The following CCNT1 variants were observed in gnomAD, a reference collection of about 807,000 sequenced individuals.
CCNT1 encodes cyclin-T1.
CCNT1 carries 18 observed loss-of-function variants against 67.3 expected under a neutral mutation model. The observed-to-expected ratio is 0.27, with a 90% CI of 0.18 to 0.40. CCNT1 has a LOEUF of 0.40. Among genes scored for constraint, CCNT1 ranks in the 10% least tolerant of loss-of-function variants. The pLI is 1.00. For synonymous variants in CCNT1, 333 were observed against 310.3 expected, an observed-to-expected ratio of 1.07 and a Z score of -0.77; for missense variants, 744 against 884.9, an observed-to-expected ratio of 0.84 and a Z score of 2.02.
chr12:48,692,990 T>G lies in CCNT1; in HGVS notation c.*43A>C. On this transcript the variant is annotated 3_prime_UTR_variant, in exon 9 of 9. Transcript: ENST00000261900. ...CCAAAAAAAAAAAAGAAAAATTATG[T>G]GTTTTTTTAAAGAAGTTTTTTTCTC... 1.6e-6 allele frequency: 2 copies of G among 1,248,378 alleles called. No individual in the cohort carries two copies. The highest frequency in any genetic ancestry group is 1.5e-5 in the South Asian group (1 of 64,628). The allele number at this position is 1,248,378 out of a possible 1,614,324, so 77.3% of individuals were successfully genotyped here.
In CCNT1 at chr12:48,690,131, C is replaced by T. The variant is rs1940050097; in HGVS notation, c.*2902G>A. On this transcript the variant is annotated 3_prime_UTR_variant, in exon 9 of 9. Coordinates refer to ENST00000261900, the MANE Select transcript of CCNT1 (RefSeq NM_001240.4). ...AAGACCGATTTGGATCGATGCTTCACTACAGTTCAGCTAACAGCAACACAG... is the reference window on the plus strand; with the variant it reads ...AAGACCGATTTGGATCGATGCTTCATTACAGTTCAGCTAACAGCAACACAG... 1 of 151,988 alleles carries T rather than the reference C, an allele frequency of 6.6e-6. No individual in the cohort carries two copies. The highest frequency in any genetic ancestry group is 2.1e-4 in the South Asian group (1 of 4,830). 9.4% of individuals were successfully genotyped at this position (151,988 alleles called of 1,614,324 possible). A position where few individuals can be genotyped will look rare whatever the true frequency, so the allele number is the denominator to read the frequency against.
intron 3 of CCNT1, among the ~76,000 whole-genome samples, chr12:48,705,307 T>A (rs1049100891): frequency 6.7e-6 from 1 of 150,058 alleles, no homozygotes; most frequent in Non-Finnish European, 1.5e-5. Flanking sequence ...TTGTTGTTTT[T>A]CTTTTTTTGT....
Position 48,690,574 on chromosome 12 carries a change from G to A in CCNT1, c.*2459C>T, listed in dbSNP as rs1157746414. 1 of 152,194 alleles carries A rather than the reference G, an allele frequency of 6.6e-6. No homozygotes were observed. The highest frequency in any genetic ancestry group is 1.5e-5 in the Non-Finnish European group (1 of 68,050). 9.4% of individuals were successfully genotyped at this position (152,194 alleles called of 1,614,324 possible). A position where few individuals can be genotyped will look rare whatever the true frequency, so the allele number is the denominator to read the frequency against. On this transcript the variant is annotated 3_prime_UTR_variant, in exon 9 of 9. Coordinates refer to ENST00000261900, the MANE Select transcript of CCNT1 (RefSeq NM_001240.4). ...AAAACAGACACTGTACGTATCTTAA[G>A]ACAGTACCAGGAGGCATTAACACAG...
intron 3 of CCNT1, 144 bp from the exon 4 acceptor site, chr12:48,701,217 CTT>C (rs539754445): frequency 0.021 from 1,947 of 92,754 alleles, 29 homozygotes; most frequent in African/African-American, 0.047. Context: ...GAAATACAAT[CTT>C]TTTTTTTTTT....
At chr12:48,707,077 C>T (rs905557696) in intron 2 of CCNT1, among the ~76,000 whole-genome samples, 1 of 152,074 alleles carries the variant, frequency 6.6e-6, no homozygotes, top group Admixed American at 6.6e-5. Flanking sequence ...TAAGTAAACA[C>T]AGTGATTCTT....
chr12:48,700,981 T>TA (rs1294158906), intron 4 of CCNT1, 32 bp downstream of exon 4: 5 of 1,304,808 alleles, frequency 3.8e-6, no homozygotes, highest in African/African-American at 1.5e-5. Flanking sequence ...TTGCATAATT[T>TA]AAAAAAATGT....
intron 2 of CCNT1, among the ~76,000 whole-genome samples, chr12:48,711,337 G>A (rs539655875): frequency 4.0e-5 from 6 of 151,782 alleles, no homozygotes; most frequent in South Asian, 2.1e-4. Flanking sequence ...CTCAGATGGC[G>A]CCATTGCACT....
At chr12:48,696,363 A>G (rs1247410110) in intron 6 of CCNT1, among the ~76,000 whole-genome samples, 1 of 151,760 alleles carries the variant, frequency 6.6e-6, no homozygotes, top group Non-Finnish European at 1.5e-5. Context: ...CTGTTCAGGT[A>G]ACAACATTTT....
rs779599635 is a variant in CCNT1, at chr12:48,699,803, T to G, written c.471A>C (p.Val157=). The part of the protein sequence containing the change: ...ELTIDHPHTH[V]VKCTQLVRAS... Reference sequence around the variant, plus strand: ...CTCGAACAAGTTGAGTGCACTTTACTACATGAGTATGTGGGTGATCAATTG... The same window carrying G: ...CTCGAACAAGTTGAGTGCACTTTACGACATGAGTATGTGGGTGATCAATTG... Residue 157 remains valine (V), a synonymous_variant, in exon 5 of 9, where the codon GTA becomes GTC. Coordinates refer to ENST00000261900, the MANE Select transcript of CCNT1 (RefSeq NM_001240.4). 3 of 1,609,796 alleles carry G rather than the reference T, an allele frequency of 1.9e-6. No homozygotes were observed. In the African/African-American group the frequency reaches 4.0e-5, roughly 22 times the overall value.
chr12:48,716,294 G>C (rs1940531199), intron 1 of CCNT1, among the ~76,000 whole-genome samples: 1 of 152,260 alleles, frequency 6.6e-6, no homozygotes, highest in African/African-American at 2.4e-5. Flanking sequence ...CGAATTCCCA[G>C]CAAGGCTGGC....
In CCNT1 at chr12:48,688,743, A is replaced by G. The variant is rs1940025730; in HGVS notation, c.*4290T>C. Reference sequence around the variant, plus strand: ...CTGAGAAAGGACTCTTAAGAGCAATACAAAGAGAACAGACAAAAATCTCAC... The same window carrying G: ...CTGAGAAAGGACTCTTAAGAGCAATGCAAAGAGAACAGACAAAAATCTCAC... On this transcript the variant is annotated 3_prime_UTR_variant, in exon 9 of 9. Coordinates refer to ENST00000261900, the MANE Select transcript of CCNT1 (RefSeq NM_001240.4). 1 of 152,184 alleles carries G rather than the reference A, an allele frequency of 6.6e-6. No individual in the cohort carries two copies. Among genetic ancestry groups the G allele is most frequent in the African/African-American group, 2.4e-5 (1 of 41,434 alleles). The allele number at this position is 152,184 out of a possible 1,614,324, so 9.4% of individuals were successfully genotyped here.
rs759182549 is a variant in CCNT1 at position 48,693,003 on chromosome 12, A to C, written c.*30T>G. ...AGAAAAATTATGTGTTTTTTTAAAGAAGTTTTTTTCTCCTCTTCTTTTTCT... is the reference window on the plus strand; with the variant it reads ...AGAAAAATTATGTGTTTTTTTAAAGCAGTTTTTTTCTCCTCTTCTTTTTCT... On this transcript the variant is annotated 3_prime_UTR_variant, in exon 9 of 9. Transcript: ENST00000261900. The C allele has an allele frequency of 3.6e-6, 5 of 1,375,060 alleles. No homozygotes were observed. Among genetic ancestry groups the C allele is most frequent in the Non-Finnish European group, 4.9e-6 (5 of 1,015,628 alleles). The allele number at this position is 1,375,060 out of a possible 1,614,324, so 85.2% of individuals were successfully genotyped here.
At chr12:48,713,046 T>C (rs1479390558) in intron 2 of CCNT1, among the ~76,000 whole-genome samples, 2 of 152,196 alleles carry the variant, frequency 1.3e-5, no homozygotes, top group Non-Finnish European at 2.9e-5. Context: ...GATATCACTA[T>C]GCATTCAATT....
At chr12:48,712,595 T>TAA (rs759919820) in intron 2 of CCNT1, among the ~76,000 whole-genome samples, 7 of 33,362 alleles carry the variant, frequency 2.1e-4, no homozygotes, top group Admixed American at 5.0e-4. Context: ...AAAAAAAAAA[T>TAA]AAAAAAAAAA....
At chr12:48,696,307 T>C (rs1363045725) in intron 6 of CCNT1, 145 bp from the exon 7 acceptor site, 1 of 529,070 alleles carries the variant, frequency 1.9e-6, no homozygotes, top group Non-Finnish European at 3.2e-6. Context: ...GTAAGAAATA[T>C]GCAATGCTCT....
At position 48,689,367 on chromosome 12, in the gene CCNT1, G is replaced by A. The variant is rs578248524; in HGVS notation, c.*3666C>T. 3.3e-5 allele frequency: 5 copies of A among 152,174 alleles called. No homozygotes were observed. The highest frequency in any genetic ancestry group is 7.3e-5 in the Non-Finnish European group (5 of 68,036). 9.4% of individuals were successfully genotyped at this position (152,174 alleles called of 1,614,324 possible). ...TGCTTGTTTCAAACTCACATCCACG[G>A]AGGGATAAAAAGACAAAATAAAACT... On this transcript the variant is annotated 3_prime_UTR_variant, in exon 9 of 9. Transcript: ENST00000261900.
At chr12:48,698,787 G>A (rs539761481) in intron 5 of CCNT1, among the ~76,000 whole-genome samples, 10 of 152,084 alleles carry the variant, frequency 6.6e-5, no homozygotes, top group East Asian at 1.9e-4. Context: ...GAGAAACCCC[G>A]TCTCTACTAA....
At chr12:48,707,555 C>T (rs893708192) in intron 2 of CCNT1, among the ~76,000 whole-genome samples, 1 of 151,988 alleles carries the variant, frequency 6.6e-6, no homozygotes, top group African/African-American at 2.4e-5. Flanking sequence ...CCTAGGATTA[C>T]AGGTGTGAGT....
chr12:48,703,046 T>C (rs1038325944), intron 3 of CCNT1, among the ~76,000 whole-genome samples: 3 of 151,190 alleles, frequency 2.0e-5, no homozygotes, highest in African/African-American at 7.3e-5. Context: ...ACCTGCTCTT[T>C]ATGAGAATCT....
Sources: allele counts gnomAD v4.1 joint callset (sites outside exome capture counted in the v4.1 genomes callset), GRCh38; gene constraint gnomAD v4.1.1; transcripts MANE v1.5; gene names NCBI Gene and HGNC (gene_info 2026-07-23, HGNC 2026-07-21).